Variants in GRB2 observed in about 807,000 individuals in gnomAD.
GRB2 encodes the protein growth factor receptor bound protein 2.
GRB2 carries 2 observed loss-of-function variants against 27.4 expected under a neutral mutation model. That is an observed-to-expected ratio of 0.07 (90% confidence interval 0.03 to 0.23). The LOEUF (loss-of-function observed/expected upper bound fraction) is 0.23. Ranked by LOEUF, GRB2 falls within the 10% of genes least tolerant of loss-of-function variation. The pLI, the probability that GRB2 is intolerant of heterozygous loss-of-function variation, is 1.00. For synonymous variants in GRB2, 94 were observed against 99.6 expected (o/e 0.94, Z 0.33); for missense variants, 102 against 282.4 (o/e 0.36, Z 4.58).
intron 2 of GRB2, among the ~76,000 whole-genome samples, chr17:75,366,232 C>T (rs1275409082): frequency 6.6e-6 from 1 of 152,140 alleles, no homozygotes; most frequent in African/African-American, 2.4e-5. Context: ...CTCTATACTA[C>T]CTTTCAACGT....
intron 2 of GRB2, among the ~76,000 whole-genome samples, chr17:75,380,990 C>T (rs1412035650): frequency 1.3e-5 from 2 of 152,148 alleles, no homozygotes; most frequent in Non-Finnish European, 2.9e-5. Flanking sequence ...CACTTAAGGT[C>T]ATCTTAAGTA....
intron 1 of GRB2, among the ~76,000 whole-genome samples, chr17:75,396,518 A>G (rs1264081885): frequency 6.6e-6 from 1 of 152,128 alleles, no homozygotes; most frequent in Non-Finnish European, 1.5e-5. Flanking sequence ...GCTAACTGCT[A>G]CAATTTTGGG....
At position 75,399,966 on chromosome 17, in the gene GRB2, G is replaced by A. The variant is rs552127275; in HGVS notation, c.-138+5523C>T. 9.2e-5 allele frequency among the ~76,000 whole-genome samples: 14 copies of A among 152,012 alleles called. No individual in the cohort carries two copies. In the South Asian group the frequency reaches 1.5e-3, roughly 16 times the overall value. ...ATTACAGGCATGAGCCACCGTGCCC[G>A]GCCCTGACCGACAATTTTGAAATAT... is the stretch of plus-strand genomic sequence containing the variant. On this transcript the variant is annotated intron_variant, in intron 1 of 5. Transcript: ENST00000316804.
At chr17:75,373,288 G>T (rs1380907752) in intron 2 of GRB2, 1 of 152,186 alleles carries the variant, frequency 6.6e-6, no homozygotes, top group Non-Finnish European at 1.5e-5. Context: ...TTAAGCAAGA[G>T]TGAGGCTGGA....
At chr17:75,393,897 G>T in intron 1 of GRB2, 132 bp from the exon 2 acceptor site, 1 of 464,874 alleles carries the variant, frequency 2.2e-6, no homozygotes, top group Non-Finnish European at 3.8e-6. Flanking sequence ...TCCCTTCCAG[G>T]CAACAGCCCC....
intron 2 of GRB2, among the ~76,000 whole-genome samples, chr17:75,380,082 T>C (rs1283779400): frequency 6.6e-6 from 1 of 152,234 alleles, no homozygotes; most frequent in Non-Finnish European, 1.5e-5. Flanking sequence ...ACATGTCATG[T>C]TTCTAGTTTA....
At chr17:75,370,607 C>A (rs1182789000) in intron 2 of GRB2, among the ~76,000 whole-genome samples, 1 of 152,164 alleles carries the variant, frequency 6.6e-6, no homozygotes, top group East Asian at 1.9e-4. Context: ...AAATAGAAAA[C>A]CTTCCCCTCA....
intron 2 of GRB2, among the ~76,000 whole-genome samples, chr17:75,342,574 T>C (rs2078628482): frequency 6.6e-6 from 1 of 152,132 alleles, no homozygotes; most frequent in Non-Finnish European, 1.5e-5. Context: ...CGTCAATTTA[T>C]ACATTCTTGG....
chr17:75,375,898 G>A lies in GRB2; in HGVS notation c.78+17653C>T, dbSNP rs1220110194. ...AATTTAGCCGGGCGTGGTGGTGGGC[G>A]CCTGTAGTCCCAGCTACTCGGGAGG... On this transcript the variant is annotated intron_variant, in intron 2 of 5. Transcript: ENST00000316804. Among the ~76,000 whole-genome samples, 4 of 151,902 alleles carry A rather than the reference G, an allele frequency of 2.6e-5. No individual in the cohort carries two copies. In the East Asian group the frequency reaches 7.8e-4, roughly 29 times the overall value.
At chr17:75,372,987 T>C (rs2078865794) in intron 2 of GRB2, 1 of 152,202 alleles carries the variant, frequency 6.6e-6, no homozygotes, top group African/African-American at 2.4e-5. Flanking sequence ...ATGCCCGTAA[T>C]CCCAGCACTT....
intron 2 of GRB2, 171 bp downstream of exon 2, chr17:75,393,378 TAA>T: frequency 1.6e-6 from 1 of 634,892 alleles, no homozygotes; most frequent in Non-Finnish European, 2.8e-6. Flanking sequence ...CCAACTCACT[TAA>T]GTCATATTTA....
chr17:75,328,273 G>A (rs1482369854), intron 3 of GRB2, among the ~76,000 whole-genome samples: 4 of 151,874 alleles, frequency 2.6e-5, no homozygotes, highest in East Asian at 1.9e-4. Flanking sequence ...GTAGTGAGCC[G>A]AGACTGTGCC....
chr17:75,365,570 G>C (rs566323222), intron 2 of GRB2, among the ~76,000 whole-genome samples: 8 of 152,216 alleles, frequency 5.3e-5, no homozygotes, highest in African/African-American at 1.9e-4. Flanking sequence ...TGGTAGTAAT[G>C]GATTGCTTGG....
intron 4 of GRB2, among the ~76,000 whole-genome samples, chr17:75,322,353 CAA>C (rs1322186625): frequency 2.3e-5 from 3 of 128,690 alleles, no homozygotes; most frequent in African/African-American, 8.7e-5. Context: ...ACCTGGGTAA[CAA>C]GAGTGAAACT....
chr17:75,400,881 C>A (rs1317183317), intron 1 of GRB2, among the ~76,000 whole-genome samples: 2 of 152,016 alleles, frequency 1.3e-5, no homozygotes, highest in African/African-American at 4.8e-5. Context: ...ATACAATGTG[C>A]AACATACACA....
chr17:75,359,123 G>A (rs551402830), intron 2 of GRB2, among the ~76,000 whole-genome samples: 1 of 132,844 alleles, frequency 7.5e-6, no homozygotes, highest in East Asian at 2.3e-4. Flanking sequence ...GCTGAGGCAG[G>A]AGAATCCCTT....
chr17:75,397,732 AG>A (rs1448750667), intron 1 of GRB2, among the ~76,000 whole-genome samples: 2 of 152,188 alleles, frequency 1.3e-5, no homozygotes, highest in African/African-American at 4.8e-5. Flanking sequence ...CTACCTTATA[AG>A]ATCCACTGAG....
At chr17:75,323,186 C>T (rs1250059558) in intron 4 of GRB2, among the ~76,000 whole-genome samples, 1 of 151,640 alleles carries the variant, frequency 6.6e-6, no homozygotes, top group Non-Finnish European at 1.5e-5. Context: ...ATGAGTCCCT[C>T]CTCTCCTTCA....
intron 1 of GRB2, chr17:75,394,753 A>AC (rs1249911787): frequency 6.6e-6 from 1 of 152,156 alleles, no homozygotes; most frequent in African/African-American, 2.4e-5. Context: ...TCTCACAGTC[A>AC]CCCTGTGCAC....
Sources: allele counts gnomAD v4.1 joint callset (sites outside exome capture counted in the v4.1 genomes callset), GRCh38; gene constraint gnomAD v4.1.1; transcripts MANE v1.5; gene names NCBI Gene and HGNC (gene_info 2026-07-23, HGNC 2026-07-21).